Variants in VRK2 observed in about 807,000 individuals in gnomAD.
The protein encoded by VRK2 is VRK serine/threonine kinase 2, also known as serine/threonine-protein kinase VRK2.
A neutral mutation model predicts 57.6 loss-of-function variants in VRK2; 60 were observed. That is an observed-to-expected ratio of 1.04 (90% CI 0.85 to 1.29). The LOEUF (loss-of-function observed/expected upper bound fraction) is 1.29, where lower values mean the gene tolerates loss of function less well. Among genes scored for constraint, VRK2 ranks in the 50% most tolerant of loss-of-function variants. VRK2 has a pLI of 0.00. For missense variants in VRK2, 705 were observed against 588.1 expected (o/e 1.20, Z -2.06); for synonymous variants, 231 against 199.2 (o/e 1.16, Z -1.35).
chr2:58,112,404 C>T (rs1675700508), intron 7 of VRK2, among the ~76,000 whole-genome samples: 1 of 152,140 alleles, frequency 6.6e-6, no homozygotes, highest in South Asian at 2.1e-4. Flanking sequence ...TTCTAGCCTT[C>T]CCTCCCCCAC....
chr2:58,010,639 C>A (rs1213369648), intron 1 of VRK2, among the ~76,000 whole-genome samples: 1 of 152,074 alleles, frequency 6.6e-6, no homozygotes, highest in Non-Finnish European at 1.5e-5. Context: ...TATCTCCTAC[C>A]TGTCAGAGGC....
intron 1 of VRK2, 132 bp downstream of exon 1, chr2:58,047,000 G>T (rs1247844760): frequency 3.0e-6 from 3 of 983,818 alleles, no homozygotes; most frequent in Non-Finnish European, 3.6e-6. Context: ...CCAGCCCCCG[G>T]GCCTCAGCTC....
At chr2:57,994,887 C>T (rs1672879133) in intron 1 of VRK2, among the ~76,000 whole-genome samples, 1 of 152,098 alleles carries the variant, frequency 6.6e-6, no homozygotes, top group Non-Finnish European at 1.5e-5. Context: ...CATTATCTTA[C>T]ACTTTTGAAA....
intron 1 of VRK2, 192 bp downstream of exon 1, chr2:58,047,060 G>A: frequency 2.3e-6 from 2 of 856,138 alleles, no homozygotes; most frequent in Non-Finnish European, 2.8e-6. Flanking sequence ...TTTCCCCGCT[G>A]GGAGTGAGAA....
At chr2:57,940,890 A>C (rs896750719) in intron 1 of VRK2, among the ~76,000 whole-genome samples, 2 of 151,990 alleles carry the variant, frequency 1.3e-5, no homozygotes, top group Non-Finnish European at 2.9e-5. Flanking sequence ...GCTCTCCAAA[A>C]AAAAAAAGAC....
chr2:57,991,897 G>T (rs1317665805), intron 1 of VRK2, among the ~76,000 whole-genome samples: 1 of 150,996 alleles, frequency 6.6e-6, no homozygotes, highest in Non-Finnish European at 1.5e-5. Context: ...GGCGGAGGTT[G>T]CAGTGAGCCG....
intron 8 of VRK2, among the ~76,000 whole-genome samples, chr2:58,124,971 A>G (rs1678094811): frequency 6.6e-6 from 1 of 152,174 alleles, no homozygotes; most frequent in South Asian, 2.1e-4. Flanking sequence ...CGTATCTTAC[A>G]TTAAGAAATG....
chr2:58,022,994 A>T (rs1572793070), intron 1 of VRK2, among the ~76,000 whole-genome samples: 2 of 152,240 alleles, frequency 1.3e-5, no homozygotes, highest in Non-Finnish European at 2.9e-5. Context: ...CATAAAAGTT[A>T]GCATTTTAAC....
At chr2:58,122,474 G>A (rs771875235) in intron 7 of VRK2, among the ~76,000 whole-genome samples, 3 of 152,294 alleles carry the variant, frequency 2.0e-5, no homozygotes, top group South Asian at 4.1e-4. Flanking sequence ...AAAAGAAAAT[G>A]TTAAGAAAAT....
intron 2 of VRK2, among the ~76,000 whole-genome samples, chr2:58,030,756 G>A (rs1674087546): frequency 6.6e-6 from 1 of 152,036 alleles, no homozygotes; most frequent in Non-Finnish European, 1.5e-5. Context: ...ATAGCATGGG[G>A]TTGAAAGTGA....
chr2:58,090,092 C>T (rs893057339), intron 7 of VRK2, among the ~76,000 whole-genome samples: 40 of 150,534 alleles, frequency 2.7e-4, no homozygotes, highest in Non-Finnish European at 4.9e-4. Flanking sequence ...TACTGTATAA[C>T]CAATTAAGTT....
At chr2:57,930,622 G>A (rs765050546) in intron 1 of VRK2, among the ~76,000 whole-genome samples, 4 of 152,040 alleles carry the variant, frequency 2.6e-5, no homozygotes, top group Admixed American at 2.0e-4. Flanking sequence ...CTATTTAGCC[G>A]TTTTGCTCCA....
chr2:58,042,038 C>A (rs1200473353), upstream of VRK2, among the ~76,000 whole-genome samples: 3 of 152,152 alleles, frequency 2.0e-5, no homozygotes, highest in East Asian at 1.9e-4. Flanking sequence ...CCATCCTGGG[C>A]ACATGTTCTC....
At chr2:58,145,414 A>T (rs1681960632) in intron 11 of VRK2, among the ~76,000 whole-genome samples, 1 of 152,002 alleles carries the variant, frequency 6.6e-6, no homozygotes, top group African/African-American at 2.4e-5. Context: ...ATTCACATTA[A>T]TTAGGCTCAC....
intron 2 of VRK2, among the ~76,000 whole-genome samples, chr2:58,081,997 C>T (rs543962891): frequency 9.2e-5 from 14 of 151,488 alleles, no homozygotes; most frequent in Admixed American, 4.6e-4. Context: ...AAAAGACCCC[C>T]GTGGTAACCA....
At chr2:57,935,314 C>T (rs1054066568) in intron 1 of VRK2, among the ~76,000 whole-genome samples, 2 of 152,106 alleles carry the variant, frequency 1.3e-5, no homozygotes, top group Non-Finnish European at 2.9e-5. Context: ...CTATTGATTC[C>T]TCTTGGTGGG....
chr2:57,913,689 T>C (rs1049352480), intron 1 of VRK2, among the ~76,000 whole-genome samples: 1 of 152,172 alleles, frequency 6.6e-6, no homozygotes, highest in Admixed American at 6.5e-5. Context: ...TATATGTTTA[T>C]AATAATATTA....
At chr2:57,927,346 G>C (rs1005988753) in intron 1 of VRK2, among the ~76,000 whole-genome samples, 4 of 148,832 alleles carry the variant, frequency 2.7e-5, no homozygotes, top group African/African-American at 5.0e-5. Context: ...GCGTGATCTC[G>C]ACTCACTGCA....
chr2:57,941,717 T>A (rs1671099824), intron 1 of VRK2, among the ~76,000 whole-genome samples: 1 of 152,190 alleles, frequency 6.6e-6, no homozygotes. Flanking sequence ...AAATTTGCAT[T>A]ATTGCTGCTG....
Sources: gnomAD v4.1 joint callset for allele counts (sites outside exome capture counted in the v4.1 genomes callset) on GRCh38, gnomAD v4.1.1 for gene constraint, MANE v1.5 for transcripts, NCBI Gene and HGNC (gene_info 2026-07-23, HGNC 2026-07-21) for gene names.